Variants in SP140 observed in about 807,000 individuals in gnomAD.
SP140 encodes the protein SP140 nuclear body protein, also known as nuclear body protein SP140.
Under a neutral mutation model 125.0 loss-of-function variants are expected in SP140, and 81 were observed. The ratio of observed to expected loss-of-function variants is 0.65; its 90% CI spans 0.54 to 0.78. The LOEUF (loss-of-function observed/expected upper bound fraction) is 0.78. Among genes scored for constraint, SP140 ranks in the 30% least tolerant of loss-of-function variants. The pLI, the probability that SP140 is intolerant of heterozygous loss-of-function variation, is 0.00. For missense variants in SP140, 858 were observed against 1,037.0 expected, an observed-to-expected ratio of 0.83 and a Z score of 2.37; for synonymous variants, 312 against 354.0, an observed-to-expected ratio of 0.88 and a Z score of 1.33.
chr2:230,294,104 T>C (rs1382572961), intron 20 of SP140, among the ~76,000 whole-genome samples, 167 bp from the exon 21 acceptor site: 1 of 152,214 alleles, frequency 6.6e-6, no homozygotes, highest in Non-Finnish European at 1.5e-5. Context: ...GATTGAAGTC[T>C]AGAAGAAGCA....
chr2:230,296,875 A>G (rs1464183667), intron 21 of SP140, among the ~76,000 whole-genome samples: 1 of 152,206 alleles, frequency 6.6e-6, no homozygotes, highest in Non-Finnish European at 1.5e-5. Context: ...CCTGCAGGGA[A>G]TGGGACTTGC....
At chr2:230,291,858 C>G (rs1485493224) in intron 19 of SP140, among the ~76,000 whole-genome samples, 1 of 152,208 alleles carries the variant, frequency 6.6e-6, no homozygotes, top group Admixed American at 6.5e-5. Flanking sequence ...CTGCACTATT[C>G]TGTATTCCTA....
At chr2:230,272,419 G>A (rs1437624951) in intron 15 of SP140, among the ~76,000 whole-genome samples, 8 of 152,172 alleles carry the variant, frequency 5.3e-5, no homozygotes. Context: ...GAGGGACCCA[G>A]TGGCAGGTAA....
At chr2:230,188,620 G>T in the SP140 span, among the ~76,000 whole-genome samples, 4,097 of 152,212 alleles carry the variant, frequency 0.027, 185 homozygotes, top group African/African-American at 0.093. Context: ...ATTGGCTGTG[G>T]GTTTGTCATA....
chr2:230,295,088 T>G (rs1332160728), intron 21 of SP140, among the ~76,000 whole-genome samples: 1 of 152,214 alleles, frequency 6.6e-6, no homozygotes, highest in African/African-American at 2.4e-5. Context: ...TCTTGAAGAA[T>G]GCAACAAACA....
intron 21 of SP140, 94 bp from the exon 22 acceptor site, chr2:230,297,327 A>AAT: frequency 7.0e-7 from 1 of 1,422,334 alleles, no homozygotes; most frequent in Non-Finnish European, 9.7e-7. Context: ...CTGGTTCCTG[A>AAT]ATCCCTTCAA....
intron 7 of SP140, 51 bp downstream of exon 7, chr2:230,245,991 A>T (rs1213615814): frequency 5.5e-6 from 6 of 1,088,116 alleles, no homozygotes. Flanking sequence ...ATACAAAAAC[A>T]CCTACTCTTT....
chr2:230,292,606 A>G, intron 19 of SP140, 40 bp from the exon 20 acceptor site: 1 of 1,612,422 alleles, frequency 6.2e-7, no homozygotes, highest in Non-Finnish European at 8.5e-7. Flanking sequence ...GTGCGCTGGG[A>G]AAAAAGAGGG....
In SP140 at chr2:230,257,910, C is replaced by T. The variant is rs139568912; in HGVS notation, c.1240+2378C>T. Among the ~76,000 whole-genome samples, 837 of 144,472 alleles carry T rather than the reference C, an allele frequency of 5.8e-3. 7 individuals carry two copies. The highest frequency in any genetic ancestry group is 0.02 in the African/African-American group (791 of 39,154). 94.8% of individuals were successfully genotyped at this position (144,472 alleles called of 152,430 possible). On this transcript the variant is annotated intron_variant, in intron 12 of 26. Coordinates refer to ENST00000392045, the MANE Select transcript of SP140 (RefSeq NM_007237.5). ...TGGAAGTGTGGATCTCGGTGACTGG[C>T]GGCCTTCAAAAGTGAGATTTGTTAG...
chr2:230,252,831 C>T (rs770864732), intron 10 of SP140, among the ~76,000 whole-genome samples: 12 of 151,654 alleles, frequency 7.9e-5, no homozygotes, highest in Admixed American at 6.6e-4. Flanking sequence ...GGTTCAGGGC[C>T]GGGTCACAGG....
At chr2:230,225,640 C>T, upstream of SP140, 1 of 629,206 alleles carries the variant, frequency 1.6e-6, no homozygotes, top group Admixed American at 2.4e-5. Context: ...TGGCTCTGCT[C>T]CTCCTCCCTT....
intron 22 of SP140, among the ~76,000 whole-genome samples, chr2:230,299,939 C>T (rs916057844): frequency 6.6e-6 from 1 of 152,078 alleles, no homozygotes; most frequent in South Asian, 2.1e-4. Context: ...CCTCATCCCC[C>T]ACAGTGGCCA....
intron 10 of SP140, among the ~76,000 whole-genome samples, chr2:230,251,758 T>C (rs937007212): frequency 6.6e-6 from 1 of 152,200 alleles, no homozygotes; most frequent in African/African-American, 2.4e-5. Flanking sequence ...TGTTATTGGA[T>C]CATGCAGTAT....
intron 14 of SP140, 55 bp from the exon 15 acceptor site, chr2:230,270,531 C>T: frequency 6.7e-7 from 1 of 1,495,784 alleles, no homozygotes; most frequent in Non-Finnish European, 9.2e-7. Flanking sequence ...GTCCTAAAAT[C>T]TATAACTTTT....
At chr2:230,247,240 G>A (rs1206590100) in intron 7 of SP140, among the ~76,000 whole-genome samples, 1 of 152,144 alleles carries the variant, frequency 6.6e-6, no homozygotes, top group African/African-American at 2.4e-5. Flanking sequence ...CCATTTGGAT[G>A]TTTTTCAGGA....
intron 6 of SP140, among the ~76,000 whole-genome samples, chr2:230,245,400 A>C (rs1361402865): frequency 6.6e-6 from 1 of 152,212 alleles, no homozygotes; most frequent in Non-Finnish European, 1.5e-5. Context: ...GTTTGAGAAA[A>C]GAGAGAGAAT....
At position 230,212,669 on chromosome 2, in the gene SP140, C is replaced by A. The variant is rs2044625234; in HGVS notation, c.-322-985C>A. ...GATGGGTGCAAGAGAAGAACTAGGA[C>A]AATAAAAGTCAAGATGCTGGGATTG... is the stretch of plus-strand genomic sequence containing the variant. On this transcript the variant is annotated intron_variant, in intron 1 of 4. Transcript: ENST00000456542. The A allele has an allele frequency of 2.0e-6, 3 of 1,505,374 alleles. No individual in the cohort carries two copies. The South Asian group carries it at 3.4e-5, about 17-fold the overall frequency. The allele number at this position is 1,505,374 out of a possible 1,614,324, so 93.3% of individuals were successfully genotyped here. A position where few individuals can be genotyped will look rare whatever the true frequency, so the allele number is the denominator to read the frequency against.
chr2:230,202,550 C>G (rs1194831666), upstream of SP140: 1 of 1,612,348 alleles, frequency 6.2e-7, no homozygotes, highest in Non-Finnish European at 8.5e-7. Flanking sequence ...CTGAGCCATT[C>G]AAATGGCAGA....
At chr2:230,296,253 A>T (rs1197815982) in intron 21 of SP140, among the ~76,000 whole-genome samples, 1 of 152,188 alleles carries the variant, frequency 6.6e-6, no homozygotes, top group Non-Finnish European at 1.5e-5. Flanking sequence ...AAAATAAAAA[A>T]AGTTTTAAAT....
Sources: allele counts gnomAD v4.1 joint callset (sites outside exome capture counted in the v4.1 genomes callset), GRCh38; gene constraint gnomAD v4.1.1; transcripts MANE v1.5; gene names NCBI Gene and HGNC (gene_info 2026-07-23, HGNC 2026-07-21).